Variants in FSTL5 observed in about 807,000 individuals in gnomAD.
The protein encoded by FSTL5 is follistatin-related protein 5.
A neutral mutation model predicts 89.1 loss-of-function variants in FSTL5; 62 were observed. The ratio of observed to expected loss-of-function variants is 0.70; its 90% CI spans 0.57 to 0.86. The LOEUF (loss-of-function observed/expected upper bound fraction) is 0.86, where lower values mean the gene tolerates loss of function less well. FSTL5 is among the 40% of genes least tolerant of loss of function. FSTL5 has a pLI of 0.00. For synonymous variants in FSTL5, 383 were observed against 346.2 expected (o/e 1.11, Z -1.18); for missense variants, 1,057 against 1,001.6 (o/e 1.06, Z -0.75).
intron 6 of FSTL5, among the ~76,000 whole-genome samples, chr4:161,669,123 AAAAAT>A (rs1553956606): frequency 6.9e-6 from 1 of 144,100 alleles, no homozygotes; most frequent in Non-Finnish European, 1.5e-5. Flanking sequence ...AAAAAAAAAA[AAAAAT>A]AAAATAAAAT....
At chr4:161,583,201 A>AAAAT (rs1313078373) in intron 8 of FSTL5, among the ~76,000 whole-genome samples, 3 of 152,030 alleles carry the variant, frequency 2.0e-5, no homozygotes, top group East Asian at 1.9e-4. Context: ...ACTCCGTCTC[A>AAAAT]AAATAAATAA....
Position 161,790,087 on chromosome 4 carries a change from C to G in FSTL5, c.410-14013G>C, listed in dbSNP as rs17041499. ...GCAACATCCTCTCAAGGAGAAAATACTGTCACTTTGTGTTATGGTGGAGAA... is the reference window on the plus strand; with the variant it reads ...GCAACATCCTCTCAAGGAGAAAATAGTGTCACTTTGTGTTATGGTGGAGAA... On this transcript the variant is annotated intron_variant, in intron 4 of 15. Coordinates refer to ENST00000306100, the MANE Select transcript of FSTL5 (RefSeq NM_020116.5). 4.1e-3 allele frequency among the ~76,000 whole-genome samples: 625 copies of G among 152,244 alleles called. 6 individuals are homozygous for G. Among genetic ancestry groups the G allele is most frequent in the African/African-American group, 0.014 (589 of 41,548 alleles).
At chr4:161,408,907 T>C (rs1184728069) in intron 15 of FSTL5, among the ~76,000 whole-genome samples, 1 of 152,184 alleles carries the variant, frequency 6.6e-6, no homozygotes, top group Non-Finnish European at 1.5e-5. Context: ...CTCTGAGAAA[T>C]ATGGGATTAT....
chr4:161,726,789 C>T (rs1240357870), intron 6 of FSTL5, among the ~76,000 whole-genome samples: 1 of 151,288 alleles, frequency 6.6e-6, no homozygotes, highest in East Asian at 1.9e-4. Context: ...TATATATTTC[C>T]TCTGAAAGCA....
At chr4:161,775,276 T>C (rs1424389553) in intron 5 of FSTL5, among the ~76,000 whole-genome samples, 1 of 152,152 alleles carries the variant, frequency 6.6e-6, no homozygotes, top group African/African-American at 2.4e-5. Flanking sequence ...TGTCATCATT[T>C]TTCTGCTGCC....
intron 1 of FSTL5, among the ~76,000 whole-genome samples, chr4:162,150,365 T>G (rs572865462): frequency 1.1e-4 from 17 of 152,156 alleles, no homozygotes; most frequent in Admixed American, 3.3e-4. Context: ...GAAACCTTGA[T>G]GTCAGCTTGG....
chr4:161,867,465 T>A (rs1347538159), intron 4 of FSTL5, among the ~76,000 whole-genome samples: 1 of 151,990 alleles, frequency 6.6e-6, no homozygotes, highest in Non-Finnish European at 1.5e-5. Context: ...TAAATGTGTA[T>A]GAATATTATG....
chr4:161,414,500 G>A (rs941297865), intron 15 of FSTL5, among the ~76,000 whole-genome samples: 1 of 152,202 alleles, frequency 6.6e-6, no homozygotes, highest in Non-Finnish European at 1.5e-5. Context: ...AGAGGGTCAT[G>A]TCTCTAGAAT....
intron 4 of FSTL5, among the ~76,000 whole-genome samples, chr4:161,887,035 C>T (rs999318269): frequency 6.6e-6 from 1 of 152,182 alleles, no homozygotes; most frequent in South Asian, 2.1e-4. Flanking sequence ...TGGTAGTTCA[C>T]AAGAAATGCA....
chr4:161,864,174 C>A (rs766198337), intron 4 of FSTL5, among the ~76,000 whole-genome samples: 3 of 152,226 alleles, frequency 2.0e-5, no homozygotes, highest in African/African-American at 4.8e-5. Context: ...ATACTAGCAT[C>A]CTGAGAGAAG....
In FSTL5 at chr4:161,490,941, C is replaced by A. The variant is rs577190157; in HGVS notation, c.1458+9075G>T. ...AAAAAGATTTGTTTTTTAAAAAAATCTTTTTAAATCTTTAGAAATAAGTGT... is the reference window on the plus strand; with the variant it reads ...AAAAAGATTTGTTTTTTAAAAAAATATTTTTAAATCTTTAGAAATAAGTGT... On this transcript the variant is annotated intron_variant, in intron 12 of 15. Coordinates refer to ENST00000306100, the MANE Select transcript of FSTL5 (RefSeq NM_020116.5). 1.9e-3 allele frequency among the ~76,000 whole-genome samples: 285 copies of A among 149,802 alleles called. 2 individuals are homozygous for A. Among genetic ancestry groups the A allele is most frequent in the African/African-American group, 6.8e-3 (278 of 40,816 alleles).
chr4:161,479,703 A>T (rs1729432948), intron 13 of FSTL5, among the ~76,000 whole-genome samples: 1 of 152,166 alleles, frequency 6.6e-6, no homozygotes, highest in Non-Finnish European at 1.5e-5. Context: ...GTGTAACCTC[A>T]GGGCCTTAGG....
chr4:161,695,681 T>C (rs1738132035), intron 6 of FSTL5, among the ~76,000 whole-genome samples: 1 of 152,068 alleles, frequency 6.6e-6, no homozygotes, highest in Non-Finnish European at 1.5e-5. Context: ...TATTGCATGG[T>C]AGTTTTGATT....
At chr4:161,764,724 GA>G (rs1274361932) in intron 5 of FSTL5, among the ~76,000 whole-genome samples, 1 of 152,142 alleles carries the variant, frequency 6.6e-6, no homozygotes, top group Non-Finnish European at 1.5e-5. Flanking sequence ...CTGGTGGAAA[GA>G]AAAGTATTTT....
rs5863499 is a variant in FSTL5, at chr4:161,920,662, T to TAA, written c.161-12_161-11dup. The TAA allele has an allele frequency of 1.3e-3, 1,856 of 1,435,356 alleles. No homozygotes were observed. Among genetic ancestry groups the TAA allele is most frequent in the Non-Finnish European group, 1.5e-3 (1,569 of 1,042,946 alleles). 88.9% of individuals were successfully genotyped at this position (1,435,356 alleles called of 1,614,324 possible). A position where few individuals can be genotyped will look rare whatever the true frequency, so the allele number is the denominator to read the frequency against. ...TCCTGAATCATAAATCCTGAAGAAT[T>TAA]AAAAAAAAATTGAAAATCGTTTGGT... On this transcript the variant is annotated splice_polypyrimidine_tract_variant and intron_variant, in intron 3 of 15. Transcript: ENST00000306100.
At chr4:161,565,653 A>G (rs1732770487) in intron 8 of FSTL5, among the ~76,000 whole-genome samples, 1 of 151,382 alleles carries the variant, frequency 6.6e-6, no homozygotes, top group African/African-American at 2.4e-5. Flanking sequence ...TATCTTTGCT[A>G]TGGCATGAAA....
At chr4:161,635,205 G>A (rs1735643573) in intron 7 of FSTL5, among the ~76,000 whole-genome samples, 1 of 151,968 alleles carries the variant, frequency 6.6e-6, no homozygotes, top group East Asian at 1.9e-4. Context: ...TGGCCAAGAT[G>A]GTAAAACCCT....
At position 161,388,730 on chromosome 4, in the gene FSTL5, G is replaced by A. The variant is rs1023045810; in HGVS notation, c.1842-2281C>T. ...TAGGCTCACTGAATAAAAGCAATAA[G>A]CCAATCAAGCTTTGGCATTTCAGCT... On this transcript the variant is annotated intron_variant, in intron 15 of 15. Transcript: ENST00000306100. 8.5e-5 allele frequency among the ~76,000 whole-genome samples: 13 copies of A among 152,106 alleles called. No homozygotes were observed. In the East Asian group the frequency reaches 2.5e-3, roughly 29 times the overall value.
At chr4:161,635,860 C>T (rs1405869878) in intron 7 of FSTL5, among the ~76,000 whole-genome samples, 1 of 152,126 alleles carries the variant, frequency 6.6e-6, no homozygotes, top group African/African-American at 2.4e-5. Flanking sequence ...AAATGCAATT[C>T]ATTTTCAGGA....
Sources: allele counts gnomAD v4.1 joint callset (sites outside exome capture counted in the v4.1 genomes callset), GRCh38; gene constraint gnomAD v4.1.1; transcripts MANE v1.5; gene names NCBI Gene and HGNC (gene_info 2026-07-23, HGNC 2026-07-21).